The following SEMA3A variants were observed in gnomAD, a reference collection of about 807,000 sequenced individuals.
SEMA3A encodes semaphorin-3A.
Under a neutral mutation model 97.9 loss-of-function variants are expected in SEMA3A, and 29 were observed. The ratio of observed to expected loss-of-function variants is 0.30; its 90% CI spans 0.22 to 0.40. The LOEUF (loss-of-function observed/expected upper bound fraction) is 0.40. Among genes scored for constraint, SEMA3A ranks in the 10% least tolerant of loss-of-function variants. The probability of loss-of-function intolerance (pLI) is 1.00; values close to 1 mark genes in which losing one functional copy is unlikely to be tolerated. For missense variants in SEMA3A, 763 were observed against 951.3 expected (o/e 0.80, Z 2.60); for synonymous variants, 321 against 323.7 (o/e 0.99, Z 0.09).
chr7:84,021,814 T>C (rs904889161), intron 6 of SEMA3A, among the ~76,000 whole-genome samples: 2 of 152,234 alleles, frequency 1.3e-5, no homozygotes, highest in Admixed American at 6.5e-5. Flanking sequence ...TTACATTTTC[T>C]TGTTTTTTGG....
chr7:84,019,598 T>C (rs776346394), intron 6 of SEMA3A, among the ~76,000 whole-genome samples: 3 of 152,310 alleles, frequency 2.0e-5, no homozygotes, highest in Non-Finnish European at 4.4e-5. Flanking sequence ...AGACACTGTA[T>C]GCTCTAGAGT....
At chr7:84,178,796 A>C (rs2116228778) in intron 1 of SEMA3A, among the ~76,000 whole-genome samples, 1 of 152,276 alleles carries the variant, frequency 6.6e-6, no homozygotes, top group African/African-American at 2.4e-5. Context: ...GCCCATGGTT[A>C]TTCAATTAGT....
At chr7:84,119,362 T>A (rs10279093) in intron 3 of SEMA3A, among the ~76,000 whole-genome samples, 6 of 151,856 alleles carry the variant, frequency 4.0e-5, no homozygotes, top group Non-Finnish European at 7.4e-5. Context: ...TCTGCATCTC[T>A]AGAAATAGTG....
intron 15 of SEMA3A, among the ~76,000 whole-genome samples, chr7:83,967,050 T>A (rs1436072231): frequency 2.6e-5 from 4 of 152,140 alleles, no homozygotes; most frequent in African/African-American, 9.7e-5. Context: ...TTCTATTAAG[T>A]CTTCTGCCAC....
chr7:84,088,884 T>G (rs959896124), intron 4 of SEMA3A, among the ~76,000 whole-genome samples: 4 of 152,148 alleles, frequency 2.6e-5, no homozygotes, highest in African/African-American at 9.6e-5. Context: ...GAAGCCTCCC[T>G]TGTTGCTCAG....
At chr7:84,037,542 G>A (rs1791984740) in intron 6 of SEMA3A, among the ~76,000 whole-genome samples, 1 of 152,002 alleles carries the variant, frequency 6.6e-6, no homozygotes, top group African/African-American at 2.4e-5. Flanking sequence ...AAATAATTCA[G>A]AGAAATCTGT....
At chr7:84,197,865 G>A (rs1346772732), upstream of SEMA3A, among the ~76,000 whole-genome samples, 1 of 149,372 alleles carries the variant, frequency 6.7e-6, no homozygotes, top group Non-Finnish European at 1.5e-5. Context: ...TCAGCCTCCC[G>A]AGTAGCTGGG....
At chr7:84,451,891 T>A (rs931759867) in intron 1 of SEMA3A, among the ~76,000 whole-genome samples, 2 of 152,200 alleles carry the variant, frequency 1.3e-5, no homozygotes, top group African/African-American at 4.8e-5. Flanking sequence ...TTTAACTCTG[T>A]AGTCTACATA....
chr7:84,113,877 G>A (rs1394437673), intron 3 of SEMA3A, among the ~76,000 whole-genome samples: 2 of 152,092 alleles, frequency 1.3e-5, no homozygotes, highest in African/African-American at 2.4e-5. Flanking sequence ...ATCACCCTTA[G>A]TGACAAACCA....
intron 1 of SEMA3A, among the ~76,000 whole-genome samples, chr7:84,145,682 A>C (rs1482254043): frequency 6.6e-6 from 1 of 152,184 alleles, no homozygotes; most frequent in Admixed American, 6.5e-5. Context: ...CACATGAATA[A>C]ATTTCTTGAG....
intron 3 of SEMA3A, among the ~76,000 whole-genome samples, chr7:84,231,313 C>T (rs565222042): frequency 1.3e-3 from 193 of 151,972 alleles, no homozygotes; most frequent in South Asian, 3.3e-3. Context: ...TATGTGTCTG[C>T]CCACAGGGAA....
chr7:84,004,424 T>C (rs904218558), intron 11 of SEMA3A, among the ~76,000 whole-genome samples: 2 of 152,176 alleles, frequency 1.3e-5, no homozygotes, highest in Non-Finnish European at 2.9e-5. Flanking sequence ...GTTTTTCTAA[T>C]GAATTTTTTT....
At chr7:84,427,021 G>A (rs1452539609) in intron 1 of SEMA3A, among the ~76,000 whole-genome samples, 2 of 152,082 alleles carry the variant, frequency 1.3e-5, no homozygotes, top group Non-Finnish European at 1.5e-5. Context: ...CATAATGAAC[G>A]CATAGAGATT....
chr7:84,156,390 A>T (rs2116146332), intron 1 of SEMA3A, among the ~76,000 whole-genome samples: 1 of 152,294 alleles, frequency 6.6e-6, no homozygotes, highest in East Asian at 1.9e-4. Context: ...AACCTCTGAA[A>T]GTGTGACATT....
chr7:84,432,247 A>G (rs1804999242), intron 1 of SEMA3A, among the ~76,000 whole-genome samples: 1 of 152,108 alleles, frequency 6.6e-6, no homozygotes, highest in Non-Finnish European at 1.5e-5. Flanking sequence ...AGAGAGAAAA[A>G]CAGAATCAAC....
chr7:84,415,563 C>T (rs1584306469), intron 1 of SEMA3A, among the ~76,000 whole-genome samples: 1 of 151,910 alleles, frequency 6.6e-6, no homozygotes, highest in African/African-American at 2.4e-5. Context: ...TTGGGGAAGG[C>T]AGAAAGTAAA....
chr7:84,026,276 G>T, intron 6 of SEMA3A, among the ~76,000 whole-genome samples: 1 of 152,164 alleles, frequency 6.6e-6, no homozygotes, highest in Non-Finnish European at 1.5e-5. Flanking sequence ...ACTTTGAGGA[G>T]AAAATGTTTT....
chr7:84,430,819 G>GTGTGTGTGTA (rs149621698), intron 1 of SEMA3A, among the ~76,000 whole-genome samples: 147 of 148,468 alleles, frequency 9.9e-4, no homozygotes, highest in African/African-American at 3.1e-3. Context: ...GTGTGTGTGT[G>GTGTGTGTGTA]TGTATTTAGA....
intron 3 of SEMA3A, among the ~76,000 whole-genome samples, chr7:84,205,686 A>C (rs941390205): frequency 6.6e-6 from 1 of 152,228 alleles, no homozygotes; most frequent in Non-Finnish European, 1.5e-5. Context: ...CCATGGCAAA[A>C]TTCCTAGATT....
Sources: allele counts gnomAD v4.1 joint callset (sites outside exome capture counted in the v4.1 genomes callset), GRCh38; gene constraint gnomAD v4.1.1; transcripts MANE v1.5; gene names NCBI Gene and HGNC (gene_info 2026-07-23, HGNC 2026-07-21).